Variants in ABLIM2 observed in about 807,000 individuals in gnomAD.
The protein encoded by ABLIM2 is actin binding LIM protein family member 2, also known as actin-binding LIM protein 2.
In ABLIM2, 53 loss-of-function variants were observed where a neutral mutation model predicts 97.7. That is an observed-to-expected ratio of 0.54 (90% CI 0.44 to 0.68). The LOEUF (loss-of-function observed/expected upper bound fraction) is 0.68, where lower values mean the gene tolerates loss of function less well. Ranked by LOEUF, ABLIM2 falls within the 30% of genes least tolerant of loss-of-function variation. ABLIM2 has a pLI of 0.00. For missense variants in ABLIM2, 835 were observed against 867.2 expected (o/e 0.96, Z 0.47); for synonymous variants, 361 against 345.8 (o/e 1.04, Z -0.49).
intron 1 of ABLIM2, among the ~76,000 whole-genome samples, chr4:8,157,749 C>T (rs145220591): frequency 5.9e-5 from 9 of 152,400 alleles, no homozygotes; most frequent in Non-Finnish European, 1.2e-4. Context: ...GGAAAGAGCA[C>T]AAGAGTCAGT....
In ABLIM2 at chr4:7,999,827, G is replaced by A. The variant is rs1321188993; in HGVS notation, c.1619-6900C>T. 1.3e-5 allele frequency among the ~76,000 whole-genome samples: 2 copies of A among 152,194 alleles called. No individual in the cohort carries two copies. Among genetic ancestry groups the A allele is most frequent in the East Asian group, 3.9e-4 (2 of 5,188 alleles). ...AGGCTCCTGGCCGCCTCCCCTCCAT[G>A]AAGCCTGCCATAGCCACCTTGCCCT... is the stretch of plus-strand genomic sequence containing the variant. On this transcript the variant is annotated intron_variant, in intron 16 of 20. Transcript: ENST00000447017. This position sits in a 1 kb window ranked among gnomAD's most constrained non-coding sequence, Gnocchi z 4.4.
intron 1 of ABLIM2, among the ~76,000 whole-genome samples, chr4:8,119,355 T>G (rs1578230630): frequency 2.3e-5 from 3 of 130,286 alleles, no homozygotes; most frequent in African/African-American, 5.8e-5. Flanking sequence ...TGAGACAGAG[T>G]CTCGCTCTGT....
intron 1 of ABLIM2, among the ~76,000 whole-genome samples, chr4:8,151,830 G>A (rs984522992): frequency 6.7e-6 from 1 of 148,320 alleles, no homozygotes; most frequent in African/African-American, 2.5e-5. Flanking sequence ...GAACAGATGG[G>A]CCCTGGGGGG....
At chr4:8,062,801 A>G (rs1315788767) in intron 6 of ABLIM2, among the ~76,000 whole-genome samples, 3 of 152,168 alleles carry the variant, frequency 2.0e-5, no homozygotes, top group Non-Finnish European at 2.9e-5. Flanking sequence ...TTTTAAAAAT[A>G]AAAGTCACCA....
rs1489370897 is a variant in ABLIM2, at chr4:8,029,536, A to G, written c.1168+120T>C. 4 of 1,239,852 alleles carry G rather than the reference A, an allele frequency of 3.2e-6. No individual in the cohort carries two copies. In the South Asian group the frequency reaches 8.7e-5, roughly 27 times the overall value. 76.8% of individuals were successfully genotyped at this position (1,239,852 alleles called of 1,614,324 possible). On this transcript the variant is annotated intron_variant, in intron 11 of 20. Coordinates refer to ENST00000447017, the MANE Select transcript of ABLIM2 (RefSeq NM_001130083.2). ...GCTGGCAATCCCACCCATTTCCATC[A>G]TATTTCCAGTTGTATAAGAAAAATG...
intron 16 of ABLIM2, chr4:8,007,409 C>A: frequency 1.0e-6 from 1 of 985,516 alleles, no homozygotes; most frequent in Non-Finnish European, 1.2e-6. Context: ...ATGAAAACTG[C>A]CCCCAGCCCA....
rs183291116 is a variant in ABLIM2 at position 8,119,392 on chromosome 4, A to G, written c.11-12755T>C. On this transcript the variant is annotated intron_variant, in intron 1 of 20. Transcript: ENST00000447017. ...GCCCAGGCTGGAGTGCAGTGGCATGATCTTGGCTCAGTGCAACCTCCGCTT... is the reference window on the plus strand; with the variant it reads ...GCCCAGGCTGGAGTGCAGTGGCATGGTCTTGGCTCAGTGCAACCTCCGCTT... Among the ~76,000 whole-genome samples, 979 of 137,790 alleles carry G rather than the reference A, an allele frequency of 7.1e-3. 10 individuals carry two copies. The highest frequency in any genetic ancestry group is 0.023 in the African/African-American group (839 of 36,462). 90.4% of individuals were successfully genotyped at this position (137,790 alleles called of 152,430 possible).
intron 16 of ABLIM2, among the ~76,000 whole-genome samples, chr4:8,006,822 G>C (rs527866430): frequency 6.6e-6 from 1 of 152,230 alleles, no homozygotes; most frequent in Non-Finnish European, 1.5e-5. Flanking sequence ...CAGTTCCTCC[G>C]GAAGGAGCAG....
In ABLIM2 at chr4:8,061,341, C is replaced by T. The variant is rs1438985122; in HGVS notation, c.676-287G>A. ...CCTGCCGGGGTAGTCCAGGAGGGGTCAGCCTCCTTTACCAGGCGGCATCCA... is the reference window on the plus strand; with the variant it reads ...CCTGCCGGGGTAGTCCAGGAGGGGTTAGCCTCCTTTACCAGGCGGCATCCA... On this transcript the variant is annotated intron_variant, in intron 6 of 20. Coordinates refer to ENST00000447017, the MANE Select transcript of ABLIM2 (RefSeq NM_001130083.2). The surrounding 1 kb of genome is among the most constrained non-coding windows in gnomAD (Gnocchi z 4.5). Among the ~76,000 whole-genome samples the T allele has an allele frequency of 6.6e-6, 1 of 152,118 alleles. No homozygotes were observed. The highest frequency in any genetic ancestry group is 1.5e-5 in the Non-Finnish European group (1 of 68,012).
chr4:8,054,040 C>T lies in ABLIM2; in HGVS notation c.822+148G>A, dbSNP rs1268686424. The T allele has an allele frequency of 2.5e-6, 2 of 786,626 alleles. No individual in the cohort carries two copies. The highest frequency in any genetic ancestry group is 4.3e-6 in the Non-Finnish European group (2 of 467,832). The allele number at this position is 786,626 out of a possible 1,614,324, so 48.7% of individuals were successfully genotyped here. On this transcript the variant is annotated intron_variant, in intron 8 of 20. Transcript: ENST00000447017. This position sits in a 1 kb window ranked among gnomAD's most constrained non-coding sequence, Gnocchi z 4.9. ...CTCACCAGTCTACTTGTTTACCCTC[C>T]CCACCTCCTAAGCCTGGCTGCCCCC...
rs563493105 is a variant in ABLIM2, at chr4:8,061,770, G to A, written c.676-716C>T. Among the ~76,000 whole-genome samples the A allele has an allele frequency of 5.3e-5, 8 of 152,070 alleles. No homozygotes were observed. In the South Asian group the frequency reaches 6.2e-4, roughly 12 times the overall value. ...TGCTAAATGTGGATGCTAAATCCCC[G>A]TGGCTCATTCTTTCCTAAAACGGGA... On this transcript the variant is annotated intron_variant, in intron 6 of 20. Coordinates refer to ENST00000447017, the MANE Select transcript of ABLIM2 (RefSeq NM_001130083.2). This position sits in a 1 kb window ranked among gnomAD's most constrained non-coding sequence, Gnocchi z 4.5.
At chr4:8,137,627 T>A (rs1039157510) in intron 1 of ABLIM2, among the ~76,000 whole-genome samples, 1 of 152,226 alleles carries the variant, frequency 6.6e-6, no homozygotes. Context: ...GGCAGCCACG[T>A]CGCAGCCCCT....
intron 18 of ABLIM2, among the ~76,000 whole-genome samples, 167 bp from the exon 19 acceptor site, chr4:7,983,721 C>A (rs1740928124): frequency 6.6e-6 from 1 of 152,188 alleles, no homozygotes; most frequent in Non-Finnish European, 1.5e-5. Flanking sequence ...CTCAGAGCTG[C>A]AGGCAGAGGG....
chr4:8,097,257 G>A lies in ABLIM2; in HGVS notation c.180C>T (p.Gly60=), dbSNP rs760927634. ...ACTCGCCCTGCCGCACGAAGAAGCCGCCCTCGGCCAGGTCGCAGCCACATG... is the reference window on the plus strand; with the variant it reads ...ACTCGCCCTGCCGCACGAAGAAGCCACCCTCGGCCAGGTCGCAGCCACATG... ...CKACGCDLAE[G]GFFVRQGEYI... The change falls in exon 3 of 21, where the codon GGC becomes GGT. Residue 60 remains glycine, a synonymous_variant. Coordinates refer to ENST00000447017, the MANE Select transcript of ABLIM2 (RefSeq NM_001130083.2). 30 of 1,567,990 alleles carry A rather than the reference G, an allele frequency of 1.9e-5. No individual in the cohort carries two copies. Among genetic ancestry groups the A allele is most frequent in the Admixed American group, 7.6e-5 (4 of 52,864 alleles).
chr4:7,990,608 G>A (rs1431697714), intron 17 of ABLIM2, among the ~76,000 whole-genome samples: 1 of 152,086 alleles, frequency 6.6e-6, no homozygotes, highest in Non-Finnish European at 1.5e-5. Flanking sequence ...TATGCTTGAG[G>A]CCACCCAGAA....
chr4:8,152,632 G>T (rs925673164), intron 1 of ABLIM2, among the ~76,000 whole-genome samples: 24 of 152,242 alleles, frequency 1.6e-4, no homozygotes, highest in African/African-American at 5.5e-4. Flanking sequence ...TCGGAGGTCT[G>T]CTCTTTCGGG....
intron 8 of ABLIM2, among the ~76,000 whole-genome samples, chr4:8,049,081 G>A (rs550739418): frequency 2.6e-5 from 4 of 152,274 alleles, no homozygotes; most frequent in South Asian, 2.1e-4. Context: ...AGCTGGGCCC[G>A]GGCCCCTCTC....
At chr4:8,091,095 C>T (rs1827085039) in intron 3 of ABLIM2, among the ~76,000 whole-genome samples, 1 of 150,294 alleles carries the variant, frequency 6.7e-6, no homozygotes, top group Non-Finnish European at 1.5e-5. Flanking sequence ...CACAACGGCA[C>T]TGGAGGGACA....
intron 1 of ABLIM2, among the ~76,000 whole-genome samples, chr4:8,134,184 G>C (rs891408353): frequency 1.3e-5 from 2 of 152,182 alleles, no homozygotes; most frequent in Non-Finnish European, 2.9e-5. Context: ...GATGTTGAGC[G>C]GCCATGAGGG....
Sources: allele counts gnomAD v4.1 joint callset (sites outside exome capture counted in the v4.1 genomes callset), GRCh38; gene constraint gnomAD v4.1.1; non-coding constraint Gnocchi (gnomAD v3.1); transcripts MANE v1.5; gene names NCBI Gene and HGNC (gene_info 2026-07-23, HGNC 2026-07-21).